The following CCND3 variants were observed in gnomAD, a reference collection of about 807,000 sequenced individuals.
CCND3 encodes G1/S-specific cyclin-D3.
A neutral mutation model predicts 28.7 loss-of-function variants in CCND3; 9 were observed. That is an observed-to-expected ratio of 0.31 (90% confidence interval 0.19 to 0.55). CCND3 has a LOEUF of 0.55. CCND3 is among the 20% of genes least tolerant of loss of function. The probability of loss-of-function intolerance (pLI) is 0.93; values close to 1 mark genes in which losing one functional copy is unlikely to be tolerated. For missense variants in CCND3, 315 were observed against 385.8 expected, an observed-to-expected ratio of 0.82 and a Z score of 1.54; for synonymous variants, 164 against 163.9, an observed-to-expected ratio of 1.00 and a Z score of 0.00.
At chr6:41,953,977 G>A (rs1776376578) in intron 1 of CCND3, among the ~76,000 whole-genome samples, 1 of 151,960 alleles carries the variant, frequency 6.6e-6, no homozygotes, top group African/African-American at 2.4e-5. Context: ...GTGGCCGGGG[G>A]CAGTGGCTCA....
intron 1 of CCND3, among the ~76,000 whole-genome samples, chr6:41,986,301 C>T (rs932156740): frequency 2.0e-5 from 3 of 151,802 alleles, no homozygotes; most frequent in Non-Finnish European, 4.4e-5. Flanking sequence ...ATTGTTTTTT[C>T]TATTTCTGTA....
At chr6:42,042,369 T>C (rs1029745068) in intron 1 of CCND3, among the ~76,000 whole-genome samples, 1 of 151,666 alleles carries the variant, frequency 6.6e-6, no homozygotes, top group Admixed American at 6.6e-5. Context: ...AGTGGGTTTT[T>C]TTTTTTTTGA....
At chr6:42,026,678 A>G (rs1763884886) in intron 1 of CCND3, among the ~76,000 whole-genome samples, 1 of 152,108 alleles carries the variant, frequency 6.6e-6, no homozygotes, top group African/African-American at 2.4e-5. Context: ...TCCACTATGT[A>G]TGTTCCCCAA....
intron 1 of CCND3, among the ~76,000 whole-genome samples, chr6:41,981,137 C>CAA (rs56288352): frequency 1.2e-4 from 19 of 152,052 alleles, no homozygotes; most frequent in East Asian, 7.7e-4. Flanking sequence ...AAAGAATTGA[C>CAA]AAAAAAATCC....
At chr6:42,035,156 T>C (rs1764167586) in intron 1 of CCND3, among the ~76,000 whole-genome samples, 3 of 152,168 alleles carry the variant, frequency 2.0e-5, no homozygotes, top group Admixed American at 6.5e-5. Flanking sequence ...CAGGGCCTAT[T>C]AGGAGAGAAG....
chr6:41,949,939 C>CA (rs1210490186), intron 1 of CCND3, among the ~76,000 whole-genome samples: 10,853 of 128,330 alleles, frequency 0.085, 1,124 homozygotes, highest in African/African-American at 0.26. Flanking sequence ...CTAAAAATAT[C>CA]AAAAAAAAAA....
intron 1 of CCND3, among the ~76,000 whole-genome samples, chr6:41,998,279 C>T (rs1482829453): frequency 1.3e-5 from 1 of 79,730 alleles, no homozygotes; most frequent in African/African-American, 4.7e-5. Flanking sequence ...CAGAGCGAGA[C>T]TCCACCTCAA....
chr6:41,953,287 A>G (rs1217232057), intron 1 of CCND3, among the ~76,000 whole-genome samples: 4 of 151,482 alleles, frequency 2.6e-5, no homozygotes, highest in Non-Finnish European at 5.9e-5. Context: ...AAAAAGGTGC[A>G]AAACATTGAG....
chr6:41,942,988 C>T (rs964496155), upstream of CCND3, among the ~76,000 whole-genome samples: 10 of 150,640 alleles, frequency 6.6e-5, no homozygotes, highest in Non-Finnish European at 1.3e-4. Flanking sequence ...AAGCAATTCC[C>T]GAGTAGCTGG....
intron 1 of CCND3, among the ~76,000 whole-genome samples, chr6:42,021,428 C>T (rs1003896159): frequency 5.9e-5 from 9 of 152,168 alleles, no homozygotes; most frequent in Admixed American, 3.3e-4. Context: ...TGGAGAAACA[C>T]GGACGGGCCC....
At chr6:42,042,111 C>T (rs988179447) in intron 1 of CCND3, among the ~76,000 whole-genome samples, 1 of 152,152 alleles carries the variant, frequency 6.6e-6, no homozygotes. Flanking sequence ...AGCTTGTGGA[C>T]CGATTTTTAT....
intron 1 of CCND3, among the ~76,000 whole-genome samples, chr6:42,043,659 C>T (rs1028418600): frequency 2.0e-5 from 3 of 151,528 alleles, no homozygotes; most frequent in Admixed American, 1.3e-4. Context: ...GATCACGCCA[C>T]TGCACTCCAG....
Position 42,027,959 on chromosome 6 carries a change from C to A in CCND3, c.-46+20542G>T, listed in dbSNP as rs549841464. The stretch of plus-strand genomic sequence containing the variant: ...ACGGGGTTTTTCCACGTTGGTCAGG[C>A]TGGTCTCAAACTCCCGACCTCAGGT... On this transcript the variant is annotated intron_variant, in intron 1 of 4. Coordinates refer to the CCND3 transcript ENST00000372988. Among the ~76,000 whole-genome samples, 4 of 152,254 alleles carry A rather than the reference C, an allele frequency of 2.6e-5. No homozygotes were observed. In the East Asian group the frequency reaches 5.8e-4, roughly 22 times the overall value.
chr6:42,002,316 C>G (rs1327476675), intron 1 of CCND3, among the ~76,000 whole-genome samples: 7 of 151,570 alleles, frequency 4.6e-5, no homozygotes, highest in Admixed American at 2.6e-4. Context: ...TGTGGTGGTG[C>G]ATGCCTGTAG....
At chr6:42,026,396 C>T (rs756879470) in intron 1 of CCND3, among the ~76,000 whole-genome samples, 2 of 151,968 alleles carry the variant, frequency 1.3e-5, no homozygotes, top group Non-Finnish European at 2.9e-5. Context: ...CTGGTCAAGG[C>T]GAAGGAGAAT....
chr6:41,946,983 G>C (rs947380441), intron 1 of CCND3, among the ~76,000 whole-genome samples: 26 of 152,084 alleles, frequency 1.7e-4, no homozygotes, highest in Non-Finnish European at 3.7e-4. Context: ...ACTTTGGGAG[G>C]CCGAGGCGGG....
chr6:41,989,477 A>AAC, intron 1 of CCND3, among the ~76,000 whole-genome samples: 1 of 151,318 alleles, frequency 6.6e-6, no homozygotes, highest in African/African-American at 2.4e-5. Context: ...CAAAAAAAAA[A>AAC]AACAGAAAAG....
At position 41,935,461 on chromosome 6, in the gene CCND3, T is replaced by G. The variant is rs1775741129; in HGVS notation, c.*479A>C. 2 of 259,226 alleles carry G rather than the reference T, an allele frequency of 7.7e-6. No homozygotes were observed. The highest frequency in any genetic ancestry group is 2.2e-5 in the African/African-American group (1 of 46,178). 16.1% of individuals were successfully genotyped at this position (259,226 alleles called of 1,614,324 possible). Reference sequence around the variant, plus strand: ...GACTACATAGGGGCCTCCAAAGTACTGAGAGGAGCCATCTAGACTATTCCC... The same window carrying G: ...GACTACATAGGGGCCTCCAAAGTACGGAGAGGAGCCATCTAGACTATTCCC... On this transcript the variant is annotated 3_prime_UTR_variant, in exon 5 of 5. Coordinates refer to ENST00000372991, the MANE Select transcript of CCND3 (RefSeq NM_001760.5).
chr6:42,006,503 C>T (rs975572887), intron 1 of CCND3, among the ~76,000 whole-genome samples: 2 of 151,276 alleles, frequency 1.3e-5, no homozygotes, highest in African/African-American at 4.9e-5. Context: ...TCTAGCAAAA[C>T]ACAAAACAAA....
Sources: gnomAD v4.1 joint callset for allele counts (sites outside exome capture counted in the v4.1 genomes callset) on GRCh38, gnomAD v4.1.1 for gene constraint, MANE v1.5 for transcripts, NCBI Gene and HGNC (gene_info 2026-07-23, HGNC 2026-07-21) for gene names.